DNAJC8: variants seen among roughly 807,000 people sequenced by gnomAD.
The protein encoded by DNAJC8 is DnaJ heat shock protein family (Hsp40) member C8.
In DNAJC8, 24 loss-of-function variants were observed where a neutral mutation model predicts 43.2. The ratio of observed to expected loss-of-function variants is 0.56; its 90% CI spans 0.40 to 0.78. The LOEUF is 0.78. Among genes scored for constraint, DNAJC8 ranks in the 30% least tolerant of loss-of-function variants. The probability of loss-of-function intolerance (pLI) is 0.00; values close to 1 mark genes in which losing one functional copy is unlikely to be tolerated. For synonymous variants in DNAJC8, 83 were observed against 98.0 expected (o/e 0.85, Z 0.90); for missense variants, 207 against 299.4 (o/e 0.69, Z 2.28).
At chr1:28,201,467 A>G in intron 8 of DNAJC8, 97 bp from the exon 9 acceptor site, 1 of 1,553,696 alleles carries the variant, frequency 6.4e-7, no homozygotes, top group African/African-American at 1.4e-5. Flanking sequence ...AGCCCAGCCC[A>G]CTTCAGTCCT....
chr1:28,231,770 G>T (rs573730613), intron 1 of DNAJC8, among the ~76,000 whole-genome samples: 4 of 151,792 alleles, frequency 2.6e-5, no homozygotes, highest in East Asian at 2.0e-4. Context: ...TGTCTTCCAA[G>T]AATTTTTTTC....
chr1:28,203,782 C>G lies in DNAJC8; in HGVS notation c.604G>C (p.Ala202Pro). Residue 202 changes from alanine (A) to proline (P), a missense_variant, in exon 8 of 9, where the codon GCC becomes CCC. Transcript: ENST00000263697. ...REEEIEAQEK[A>P]KREREWQKNF... ...TTCTGCCACTCTCTTTCCCGTTTGG[C>G]TTTTTCTTGAGCTTCAATCTCTTCT... is the stretch of plus-strand genomic sequence containing the variant. The G allele has an allele frequency of 6.2e-7, 1 of 1,614,148 alleles. No homozygotes were observed. The highest frequency in any genetic ancestry group is 8.5e-7 in the Non-Finnish European group (1 of 1,180,028).
At chr1:28,209,927 C>T in intron 5 of DNAJC8, 45 bp downstream of exon 5, 1 of 1,581,864 alleles carries the variant, frequency 6.3e-7, no homozygotes, top group South Asian at 1.1e-5. Context: ...GTGCCCAAGG[C>T]TTGCTGATAC....
chr1:28,231,294 G>A (rs900111818), intron 1 of DNAJC8, among the ~76,000 whole-genome samples: 6 of 152,146 alleles, frequency 3.9e-5, no homozygotes, highest in African/African-American at 1.4e-4. Flanking sequence ...AGCCCAGAAG[G>A]CAGAGGTTGT....
At chr1:28,206,341 C>T (rs1646768271) in intron 6 of DNAJC8, among the ~76,000 whole-genome samples, 1 of 152,014 alleles carries the variant, frequency 6.6e-6, no homozygotes, top group South Asian at 2.1e-4. Context: ...AGCCTCAACT[C>T]CTAAGCTGAA....
chr1:28,200,954 A>C lies in DNAJC8; in HGVS notation c.*294T>G. 2.4e-6 allele frequency: 1 copy of C among 423,438 alleles called. No individual in the cohort carries two copies. Among genetic ancestry groups the C allele is most frequent in the South Asian group, 2.2e-5 (1 of 46,118 alleles). 26.2% of individuals were successfully genotyped at this position (423,438 alleles called of 1,614,324 possible). On this transcript the variant is annotated 3_prime_UTR_variant, in exon 9 of 9. Coordinates refer to ENST00000263697, the MANE Select transcript of DNAJC8 (RefSeq NM_014280.3). ...GTTTCTAACCATCACAATTCAGTGA[A>C]GTACAAAACACTGAGTTACAGGCTG...
chr1:28,211,523 G>T (rs1646810623), intron 3 of DNAJC8, among the ~76,000 whole-genome samples: 1 of 152,184 alleles, frequency 6.6e-6, no homozygotes, highest in East Asian at 1.9e-4. Flanking sequence ...GCTAAAGCAG[G>T]TATGAGACAT....
At chr1:28,231,858 C>T (rs1646977969) in intron 1 of DNAJC8, among the ~76,000 whole-genome samples, 1 of 151,682 alleles carries the variant, frequency 6.6e-6, no homozygotes, top group African/African-American at 2.4e-5. Context: ...AGCTCTGCCT[C>T]CCGGGTTCAC....
intron 2 of DNAJC8, among the ~76,000 whole-genome samples, chr1:28,225,964 A>C (rs903517119): frequency 1.3e-5 from 2 of 150,962 alleles, no homozygotes; most frequent in African/African-American, 4.9e-5. Flanking sequence ...TTGGCCTCCC[A>C]AAGTGCTGAG....
At position 28,226,103 on chromosome 1, in the gene DNAJC8, C is replaced by T. The variant is rs115437392; in HGVS notation, c.180+2819G>A. Reference sequence around the variant, plus strand: ...AATAAGTGTTGTTTCTATTATTTAACAGATACAAAAATATTCACTTCAAAA... The same window carrying T: ...AATAAGTGTTGTTTCTATTATTTAATAGATACAAAAATATTCACTTCAAAA... On this transcript the variant is annotated intron_variant, in intron 2 of 8. Coordinates refer to ENST00000263697, the MANE Select transcript of DNAJC8 (RefSeq NM_014280.3). Among the ~76,000 whole-genome samples, 15 of 151,124 alleles carry T rather than the reference C, an allele frequency of 9.9e-5. 1 individual carries two copies. In the East Asian group the frequency reaches 2.1e-3, roughly 21 times the overall value.
Position 28,200,694 on chromosome 1 carries a change from G to A in DNAJC8, c.*554C>T. 2.2e-6 allele frequency: 1 copy of A among 454,470 alleles called. No homozygotes were observed. Among genetic ancestry groups the A allele is most frequent in the South Asian group, 1.6e-5 (1 of 64,480 alleles). 28.2% of individuals were successfully genotyped at this position (454,470 alleles called of 1,614,324 possible). On this transcript the variant is annotated 3_prime_UTR_variant, in exon 9 of 9. Transcript: ENST00000263697. ...GGTGGCGTGGGCCTCATGCCACACTGATTGGTCAGTAGACAGGGGGCACAT... is the reference window on the plus strand; with the variant it reads ...GGTGGCGTGGGCCTCATGCCACACTAATTGGTCAGTAGACAGGGGGCACAT...
chr1:28,203,013 GCTACTCTTTC>G (rs566346653), intron 8 of DNAJC8, among the ~76,000 whole-genome samples: 180 of 152,318 alleles, frequency 1.2e-3, no homozygotes, highest in Admixed American at 5.2e-3. Flanking sequence ...TAGCAGTACA[GCTACTCTTTC>G]CACTGCACCT....
intron 3 of DNAJC8, among the ~76,000 whole-genome samples, chr1:28,212,441 C>T (rs114542103): frequency 0.022 from 3,368 of 150,194 alleles, 142 homozygotes; most frequent in African/African-American, 0.077. Context: ...TTGGCTTTTG[C>T]TGTTGTTGTT....
In DNAJC8 at chr1:28,201,104, C is replaced by G; in HGVS notation, c.*144G>C. 2 of 1,197,796 alleles carry G rather than the reference C, an allele frequency of 1.7e-6. No individual in the cohort carries two copies. The highest frequency in any genetic ancestry group is 2.3e-6 in the Non-Finnish European group (2 of 857,362). 74.2% of individuals were successfully genotyped at this position (1,197,796 alleles called of 1,614,324 possible). ...CAATGTACAAAAGAATTACTCTGAT[C>G]GATATTAAATCGTATTGAAAACAAA... On this transcript the variant is annotated 3_prime_UTR_variant, in exon 9 of 9. Transcript: ENST00000263697.
At chr1:28,204,070 A>T (rs1324234243) in intron 7 of DNAJC8, among the ~76,000 whole-genome samples, 2 of 152,246 alleles carry the variant, frequency 1.3e-5, no homozygotes, top group Admixed American at 6.5e-5. Context: ...AAGTAACTAA[A>T]GCCCAGCCAA....
chr1:28,212,935 G>T (rs1330860648), intron 3 of DNAJC8, among the ~76,000 whole-genome samples: 1 of 152,170 alleles, frequency 6.6e-6, no homozygotes, highest in Non-Finnish European at 1.5e-5. Context: ...AACAAACAAT[G>T]CAAGTAAAGA....
chr1:28,220,059 T>C (rs913330113), intron 2 of DNAJC8, among the ~76,000 whole-genome samples: 7 of 152,220 alleles, frequency 4.6e-5, no homozygotes, highest in African/African-American at 1.4e-4. Flanking sequence ...AGGAGATGCA[T>C]GCTAAAGTAT....
At chr1:28,215,992 T>C (rs1352226467) in intron 2 of DNAJC8, among the ~76,000 whole-genome samples, 1 of 152,074 alleles carries the variant, frequency 6.6e-6, no homozygotes, top group Admixed American at 6.6e-5. Context: ...CTTGAGCAAC[T>C]AGGACTGTAA....
At chr1:28,214,909 A>G (rs1646840438) in intron 3 of DNAJC8, 31 bp downstream of exon 3, 2 of 1,564,492 alleles carry the variant, frequency 1.3e-6, no homozygotes. Context: ...ATACATTTTC[A>G]AAAAGTTCAA....
Sources: gnomAD v4.1 joint callset for allele counts (sites outside exome capture counted in the v4.1 genomes callset) on GRCh38, gnomAD v4.1.1 for gene constraint, MANE v1.5 for transcripts, NCBI Gene and HGNC (gene_info 2026-07-23, HGNC 2026-07-21) for gene names.